The following ARID1B variants were observed in gnomAD, a reference collection of about 807,000 sequenced individuals.
ARID1B encodes the protein AT-rich interaction domain 1B.
A neutral mutation model predicts 212.3 loss-of-function variants in ARID1B; 30 were observed. The ratio of observed to expected loss-of-function variants is 0.14; its 90% CI spans 0.11 to 0.19. ARID1B has a LOEUF of 0.19. Ranked by LOEUF, ARID1B falls within the 10% of genes least tolerant of loss-of-function variation. The pLI is 1.00. For synonymous variants in ARID1B, 1,402 were observed against 1,301.7 expected (o/e 1.08, Z -1.66); for missense variants, 2,891 against 3,204.0 (o/e 0.90, Z 2.36).
intron 1 of ARID1B, among the ~76,000 whole-genome samples, chr6:156,804,722 G>A (rs181148838): frequency 1.4e-3 from 213 of 152,166 alleles, no homozygotes; most frequent in Non-Finnish European, 2.1e-3. Context: ...AACACATGGG[G>A]ATTATGGGAA....
At chr6:157,161,758 T>C (rs923617757) in intron 8 of ARID1B, among the ~76,000 whole-genome samples, 8 of 152,224 alleles carry the variant, frequency 5.3e-5, no homozygotes, top group African/African-American at 1.9e-4. Flanking sequence ...CTGGTTCTGA[T>C]GACTCTTGGG....
intron 4 of ARID1B, among the ~76,000 whole-genome samples, chr6:157,030,669 C>A (rs762740991): frequency 2.0e-5 from 3 of 152,210 alleles, no homozygotes; most frequent in Admixed American, 6.5e-5. Context: ...GAAAGACACA[C>A]CAGCATCCTA....
intron 4 of ARID1B, among the ~76,000 whole-genome samples, chr6:157,035,386 G>A (rs982342961): frequency 6.6e-6 from 1 of 152,156 alleles, no homozygotes; most frequent in African/African-American, 2.4e-5. Context: ...TCCTGTTCGC[G>A]TTTTTCCTTT....
intron 1 of ARID1B, among the ~76,000 whole-genome samples, chr6:156,816,946 A>T (rs141621783): frequency 0.01 from 1,533 of 152,238 alleles, 29 homozygotes; most frequent in African/African-American, 0.035. Flanking sequence ...CAGAAAGGAG[A>T]AGTGTCTCTA....
chr6:156,790,986 T>A (rs2115186114), intron 1 of ARID1B, among the ~76,000 whole-genome samples: 1 of 152,332 alleles, frequency 6.6e-6, no homozygotes, highest in Non-Finnish European at 1.5e-5. Flanking sequence ...ATATTATTAG[T>A]GAGAAAGAGA....
At chr6:157,141,759 A>G (rs80351827) in intron 7 of ARID1B, among the ~76,000 whole-genome samples, 3,014 of 152,276 alleles carry the variant, frequency 0.02, 62 homozygotes, top group East Asian at 0.13. Context: ...TTACATACTG[A>G]TTCGAATGGC....
chr6:156,849,439 G>A (rs1784435226), intron 2 of ARID1B, among the ~76,000 whole-genome samples: 1 of 152,156 alleles, frequency 6.6e-6, no homozygotes, highest in African/African-American at 2.4e-5. Context: ...ATAATTTTCA[G>A]GCTATACCCC....
chr6:156,883,949 G>A (rs966696036), intron 2 of ARID1B, among the ~76,000 whole-genome samples: 3 of 152,134 alleles, frequency 2.0e-5, no homozygotes, highest in South Asian at 2.1e-4. Flanking sequence ...CCAGAATCGC[G>A]GGACCCTCAT....
At chr6:157,165,749 T>C (rs138126858) in intron 8 of ARID1B, among the ~76,000 whole-genome samples, 2 of 151,722 alleles carry the variant, frequency 1.3e-5, no homozygotes, top group African/African-American at 4.9e-5. Context: ...TTTGGGAGAG[T>C]GAGGCGGGAG....
rs565787229 is a variant in ARID1B, at chr6:156,856,769, T to C, written c.1986+27348T>C. On this transcript the variant is annotated intron_variant, in intron 2 of 19. Coordinates refer to ENST00000636930, the MANE Select transcript of ARID1B (RefSeq NM_001374828.1). ...ACTGATGTTGGCTTTCTAAAATGCTTAAGCCTAGTAAATCTCAATGCTGAA... is the reference window on the plus strand; with the variant it reads ...ACTGATGTTGGCTTTCTAAAATGCTCAAGCCTAGTAAATCTCAATGCTGAA... Among the ~76,000 whole-genome samples, 307 of 72,642 alleles carry C rather than the reference T, an allele frequency of 4.2e-3. 1 individual carries two copies. The highest frequency in any genetic ancestry group is 7.5e-3 in the Middle Eastern group (1 of 134). 47.7% of individuals were successfully genotyped at this position (72,642 alleles called of 152,430 possible).
chr6:156,778,681 GC>G lies in ARID1B; in HGVS notation c.1002del (p.Phe335LeufsTer14). 1 of 1,516,128 alleles carries G rather than the reference GC, an allele frequency of 6.6e-7. No homozygotes were observed. The highest frequency in any genetic ancestry group is 8.8e-7 in the Non-Finnish European group (1 of 1,131,698). 93.9% of individuals were successfully genotyped at this position (1,516,128 alleles called of 1,614,324 possible). A position where few individuals can be genotyped will look rare whatever the true frequency, so the allele number is the denominator to read the frequency against. ...SGGPGGRAGP[C>X]FDQHGGQQSP... ...GGCCCCGGCGGCCGCGCTGGGCCTT[GC>G]TTTGATCAACATGGCGGACAACAAA... On this transcript the variant is annotated frameshift_variant, in exon 1 of 20. Coordinates refer to ENST00000636930, the MANE Select transcript of ARID1B (RefSeq NM_001374828.1). LOFTEE classifies it high-confidence loss of function.
At chr6:156,898,945 T>G (rs973650972) in intron 2 of ARID1B, among the ~76,000 whole-genome samples, 1 of 152,202 alleles carries the variant, frequency 6.6e-6, no homozygotes, top group African/African-American at 2.4e-5. Flanking sequence ...CACTCCAGCT[T>G]GGGCAACAAG....
At chr6:157,086,225 A>G (rs1583282718) in intron 5 of ARID1B, among the ~76,000 whole-genome samples, 1 of 152,188 alleles carries the variant, frequency 6.6e-6, no homozygotes, top group Non-Finnish European at 1.5e-5. Flanking sequence ...TAAACGTTAC[A>G]TTTCTAAGAT....
At position 156,895,538 on chromosome 6, in the gene ARID1B, G is replaced by A. The variant is rs137881821; in HGVS notation, c.1987-5838G>A. On this transcript the variant is annotated intron_variant, in intron 2 of 19. Transcript: ENST00000636930. ...TCTTTTCTCGGAAGGACACCTCCTG[G>A]GGTGTCCCCTCCTGCCTTGTGTGGG... Among the ~76,000 whole-genome samples, 484 of 152,312 alleles carry A rather than the reference G, an allele frequency of 3.2e-3. 4 individuals are homozygous for A. Among genetic ancestry groups the A allele is most frequent in the African/African-American group, 0.011 (462 of 41,576 alleles).
chr6:157,203,937 G>A lies in ARID1B; in HGVS notation c.5335G>A (p.Asp1779Asn). 6.2e-7 allele frequency: 1 copy of A among 1,614,110 alleles called. No homozygotes were observed. The highest frequency in any genetic ancestry group is 8.5e-7 in the Non-Finnish European group (1 of 1,179,986). ...GLLAESTWALDTINILLYDDS... is the reference protein window; with the variant it reads ...GLLAESTWALNTINILLYDDS... ...TTTGGCTGAGAGTACGTGGGCTTTG[G>A]ACACTATTAATATTCTTCTGTATGA... Residue 1779 changes from aspartate to asparagine, a missense_variant, in exon 19 of 20, where the codon GAC becomes AAC. By Grantham distance (23) the Asp-to-Asn change is conservative (BLOSUM62 1). Transcript: ENST00000636930. The surrounding 1 kb of genome is among the most constrained non-coding windows in gnomAD (Gnocchi z 4.4).
At chr6:156,819,699 A>G (rs569385742) in intron 1 of ARID1B, among the ~76,000 whole-genome samples, 4 of 152,214 alleles carry the variant, frequency 2.6e-5, no homozygotes, top group Non-Finnish European at 5.9e-5. Flanking sequence ...TCTCTGGGAC[A>G]GTCTAGGCTG....
chr6:156,856,916 A>T (rs4412213), intron 2 of ARID1B, among the ~76,000 whole-genome samples: 1 of 151,918 alleles, frequency 6.6e-6, no homozygotes, highest in Non-Finnish European at 1.5e-5. Context: ...CGTGCTGGCA[A>T]TCTAAGGGTA....
chr6:156,869,357 C>T (rs938736966), intron 2 of ARID1B, among the ~76,000 whole-genome samples: 2 of 152,032 alleles, frequency 1.3e-5, no homozygotes, highest in East Asian at 1.9e-4. Flanking sequence ...GCCATAAAAG[C>T]GAATAATGAA....
intron 16 of ARID1B, chr6:157,198,490 G>A (rs1158355681): frequency 3.3e-6 from 1 of 303,290 alleles, no homozygotes; most frequent in Middle Eastern, 9.6e-4. Context: ...GTGGACAGGC[G>A]GGGCTGCGGC....
Sources: allele counts gnomAD v4.1 joint callset (sites outside exome capture counted in the v4.1 genomes callset), GRCh38; gene constraint gnomAD v4.1.1; non-coding constraint Gnocchi (gnomAD v3.1); transcripts MANE v1.5; gene names NCBI Gene and HGNC (gene_info 2026-07-23, HGNC 2026-07-21).